FBXL17: variants seen among roughly 807,000 people sequenced by gnomAD.
FBXL17 encodes the protein F-box/LRR-repeat protein 17.
A neutral mutation model predicts 66.2 loss-of-function variants in FBXL17; 22 were observed. That is an observed-to-expected ratio of 0.33 (90% CI 0.24 to 0.47). The LOEUF is 0.47. Among genes scored for constraint, FBXL17 ranks in the 20% least tolerant of loss-of-function variants. The pLI, the probability that FBXL17 is intolerant of heterozygous loss-of-function variation, is 1.00. For missense variants in FBXL17, 878 were observed against 948.2 expected, an observed-to-expected ratio of 0.93 and a Z score of 0.97; for synonymous variants, 474 against 400.5, an observed-to-expected ratio of 1.18 and a Z score of -2.19.
At chr5:107,892,844 T>C (rs1055443527) in intron 7 of FBXL17, among the ~76,000 whole-genome samples, 7 of 152,230 alleles carry the variant, frequency 4.6e-5, no homozygotes, top group African/African-American at 1.7e-4. Context: ...CATTTCTGCC[T>C]TAAGAAAGGC....
chr5:108,148,915 T>C (rs569595483), intron 6 of FBXL17, among the ~76,000 whole-genome samples: 84 of 152,328 alleles, frequency 5.5e-4, no homozygotes, highest in African/African-American at 1.9e-3. Flanking sequence ...ACTATCATGT[T>C]TATAATCTCT....
chr5:108,127,034 T>C (rs1483924632), intron 6 of FBXL17, among the ~76,000 whole-genome samples: 1 of 152,118 alleles, frequency 6.6e-6, no homozygotes, highest in Non-Finnish European at 1.5e-5. Context: ...CAGACTATAT[T>C]TACTTCAGAT....
At chr5:107,958,057 T>C (rs1422630708) in intron 7 of FBXL17, among the ~76,000 whole-genome samples, 1 of 151,538 alleles carries the variant, frequency 6.6e-6, no homozygotes, top group Non-Finnish European at 1.5e-5. Context: ...AATAGTTCAA[T>C]GGCCATGTAA....
chr5:108,355,520 T>A (rs1747930024), intron 3 of FBXL17, among the ~76,000 whole-genome samples: 1 of 152,028 alleles, frequency 6.6e-6, no homozygotes, highest in South Asian at 2.1e-4. Context: ...TGACCTCAGG[T>A]AAGCCACCTG....
At chr5:108,213,737 A>G (rs1754477400) in intron 5 of FBXL17, among the ~76,000 whole-genome samples, 1 of 152,176 alleles carries the variant, frequency 6.6e-6, no homozygotes, top group African/African-American at 2.4e-5. Flanking sequence ...CTATTCAGCC[A>G]TCTTGCCAGC....
intron 7 of FBXL17, among the ~76,000 whole-genome samples, chr5:108,015,069 G>A (rs976001498): frequency 2.0e-5 from 3 of 152,108 alleles, no homozygotes; most frequent in Admixed American, 6.6e-5. Context: ...GATTTGGGTG[G>A]AGACACAGCC....
chr5:108,260,871 G>A (rs997062395), intron 4 of FBXL17, among the ~76,000 whole-genome samples: 3 of 152,028 alleles, frequency 2.0e-5, no homozygotes, highest in Non-Finnish European at 4.4e-5. Context: ...ACACAGTCTC[G>A]CATTTTACAT....
At chr5:108,099,532 A>T (rs1289219526) in intron 6 of FBXL17, among the ~76,000 whole-genome samples, 1 of 152,224 alleles carries the variant, frequency 6.6e-6, no homozygotes, top group Non-Finnish European at 1.5e-5. Context: ...AAATGTGACA[A>T]GGCAAAGAGG....
chr5:108,067,724 T>G lies in FBXL17; in HGVS notation c.1746-46723A>C, dbSNP rs1161782199. ...GCAAGTATAAAAGTGAAAGGCCCAA[T>G]AAACTTGGATCTGCTCCTACATATT... On this transcript the variant is annotated intron_variant, in intron 6 of 8. Transcript: ENST00000542267. Among the ~76,000 whole-genome samples the G allele has an allele frequency of 1.3e-5, 2 of 152,150 alleles. 1 individual carries two copies. Among genetic ancestry groups the G allele is most frequent in the Non-Finnish European group, 2.9e-5 (2 of 68,014 alleles).
At chr5:108,270,964 C>A (rs1757243297) in intron 4 of FBXL17, among the ~76,000 whole-genome samples, 1 of 152,002 alleles carries the variant, frequency 6.6e-6, no homozygotes, top group South Asian at 2.1e-4. Context: ...CCCTTTCCCC[C>A]TCTCCTTCTC....
At chr5:108,006,652 T>A (rs1395839181) in intron 7 of FBXL17, among the ~76,000 whole-genome samples, 1 of 152,214 alleles carries the variant, frequency 6.6e-6, no homozygotes, top group Non-Finnish European at 1.5e-5. Context: ...AGTTTTATAA[T>A]CAGTATTACA....
chr5:108,229,565 A>G (rs1396142186), intron 4 of FBXL17, among the ~76,000 whole-genome samples: 1 of 152,102 alleles, frequency 6.6e-6, no homozygotes, highest in Non-Finnish European at 1.5e-5. Flanking sequence ...CAAAAATCGA[A>G]TCAAGATGGA....
intron 6 of FBXL17, among the ~76,000 whole-genome samples, chr5:108,077,541 T>C (rs1748599302): frequency 6.6e-6 from 1 of 151,902 alleles, no homozygotes; most frequent in South Asian, 2.1e-4. Context: ...CATGTGCCTA[T>C]GGTCCCAGCT....
At chr5:108,136,223 A>T (rs184672249) in intron 6 of FBXL17, among the ~76,000 whole-genome samples, 1 of 152,228 alleles carries the variant, frequency 6.6e-6, no homozygotes, top group African/African-American at 2.4e-5. Flanking sequence ...TTATGAGCCT[A>T]ACTCTTTAAG....
At chr5:108,050,123 C>A (rs1747412882) in intron 6 of FBXL17, among the ~76,000 whole-genome samples, 1 of 152,136 alleles carries the variant, frequency 6.6e-6, no homozygotes, top group Non-Finnish European at 1.5e-5. Context: ...ACTTAGACTC[C>A]CACACAATAA....
chr5:107,889,671 A>G (rs1749127872), intron 7 of FBXL17, among the ~76,000 whole-genome samples: 1 of 152,186 alleles, frequency 6.6e-6, no homozygotes, highest in South Asian at 2.1e-4. Context: ...AGCCTTATTT[A>G]TAGGTTGCAT....
At chr5:108,334,190 G>T (rs1474569095) in intron 4 of FBXL17, among the ~76,000 whole-genome samples, 1 of 152,138 alleles carries the variant, frequency 6.6e-6, no homozygotes, top group Admixed American at 6.5e-5. Context: ...CCAAGAACTA[G>T]GAAATGAAAA....
intron 6 of FBXL17, among the ~76,000 whole-genome samples, chr5:108,068,309 C>T (rs1363806518): frequency 6.6e-6 from 1 of 152,100 alleles, no homozygotes; most frequent in African/African-American, 2.4e-5. Context: ...CATACTTATT[C>T]TACGGAATAT....
At chr5:108,040,784 A>G (rs995569203) in intron 6 of FBXL17, among the ~76,000 whole-genome samples, 3 of 152,176 alleles carry the variant, frequency 2.0e-5, no homozygotes, top group Admixed American at 1.3e-4. Context: ...CTTTGTGGAC[A>G]TGAGGTTTTT....
Sources: gnomAD v4.1 joint callset for allele counts (sites outside exome capture counted in the v4.1 genomes callset) on GRCh38, gnomAD v4.1.1 for gene constraint, MANE v1.5 for transcripts, NCBI Gene and HGNC (gene_info 2026-07-23, HGNC 2026-07-21) for gene names.